The following VPS13C variants were observed in gnomAD, a reference collection of about 807,000 sequenced individuals.
The protein encoded by VPS13C is intermembrane lipid transfer protein VPS13C.
VPS13C carries 358 observed loss-of-function variants against 456.8 expected under a neutral mutation model. The observed-to-expected ratio is 0.78, with a 90% CI of 0.72 to 0.86. The LOEUF is 0.86. Among genes scored for constraint, VPS13C ranks in the 40% least tolerant of loss-of-function variants. The pLI is 0.00. For synonymous variants in VPS13C, 1,578 were observed against 1,486.7 expected, an observed-to-expected ratio of 1.06 and a Z score of -1.41; for missense variants, 4,818 against 4,385.4, an observed-to-expected ratio of 1.10 and a Z score of -2.79.
At chr15:61,864,960 T>C in intron 81 of VPS13C, 1 of 982,382 alleles carries the variant, frequency 1.0e-6, no homozygotes. Context: ...TGTATTTTCG[T>C]TAGTTATTAG....
At chr15:61,907,613 G>A (rs933570432) in intron 65 of VPS13C, among the ~76,000 whole-genome samples, 11 of 152,072 alleles carry the variant, frequency 7.2e-5, no homozygotes, top group South Asian at 4.2e-4. Flanking sequence ...CAATGCACTC[G>A]GAATTGATCC....
intron 1 of VPS13C, among the ~76,000 whole-genome samples, chr15:62,047,094 A>T (rs550236810): frequency 6.6e-6 from 1 of 151,874 alleles, no homozygotes; most frequent in South Asian, 2.1e-4. Flanking sequence ...TTTTTTCTAT[A>T]TCTAGTATTA....
At chr15:61,857,205 T>A (rs899531887) in intron 82 of VPS13C, among the ~76,000 whole-genome samples, 5 of 152,106 alleles carry the variant, frequency 3.3e-5, no homozygotes, top group Admixed American at 2.0e-4. Flanking sequence ...GCTTGAGAGG[T>A]GCTCACTGGC....
intron 73 of VPS13C, among the ~76,000 whole-genome samples, chr15:61,880,382 A>G (rs1004279930): frequency 1.3e-5 from 2 of 152,108 alleles, no homozygotes; most frequent in African/African-American, 4.8e-5. Context: ...TCTTCTTTGA[A>G]TAAGGGGGTT....
intron 81 of VPS13C, chr15:61,864,831 A>G (rs1747135576): frequency 5.1e-6 from 5 of 981,844 alleles, no homozygotes; most frequent in Non-Finnish European, 6.0e-6. Flanking sequence ...CTTCAAAGAG[A>G]AAATGGGAAA....
At chr15:61,934,925 G>A (rs573504483) in intron 48 of VPS13C, among the ~76,000 whole-genome samples, 5 of 151,994 alleles carry the variant, frequency 3.3e-5, no homozygotes, top group Admixed American at 3.3e-4. Context: ...TAATTTTTTT[G>A]TATTTTTAGT....
At position 61,969,301 on chromosome 15, in the gene VPS13C, T is replaced by C. The variant is rs1325942910; in HGVS notation, c.2909A>G (p.Glu970Gly). The change falls in exon 28 of 85, where the codon GAA (glutamate) becomes GGA (glycine). Residue 970 changes from glutamate (E) to glycine (G), a missense_variant and splice_region_variant. This residue lies in a region of VPS13C where 4,552 missense variants were observed against 4,130.6 expected (regional missense o/e 1.10). Coordinates refer to ENST00000644861, the MANE Select transcript of VPS13C (RefSeq NM_020821.3). ...KKISLDYHEI[E>G]GSKRKPLHLI... ...ATTTCTATTTTTATGGGTATTACCT[T>C]CAATTTCATGATAATCCAAGCTGAT... The C allele has an allele frequency of 6.3e-7, 1 of 1,590,678 alleles. No individual in the cohort carries two copies. The highest frequency in any genetic ancestry group is 8.5e-7 in the Non-Finnish European group (1 of 1,169,626).
chr15:61,979,550 T>C (rs1174772503), intron 22 of VPS13C, among the ~76,000 whole-genome samples: 2 of 152,162 alleles, frequency 1.3e-5, no homozygotes, highest in African/African-American at 4.8e-5. Context: ...AGTTTACAAA[T>C]AGATAACTAA....
At chr15:62,048,198 GC>G (rs1340153536) in intron 1 of VPS13C, among the ~76,000 whole-genome samples, 4 of 150,292 alleles carry the variant, frequency 2.7e-5, no homozygotes, top group African/African-American at 9.8e-5. Context: ...TTGGTGTGCT[GC>G]ACCCATTAAC....
intron 51 of VPS13C, among the ~76,000 whole-genome samples, chr15:61,927,996 A>G (rs570843775): frequency 6.7e-6 from 1 of 149,430 alleles, no homozygotes; most frequent in East Asian, 2.0e-4. Context: ...GAACAATGAG[A>G]ACACATGGAC....
In VPS13C at chr15:62,051,242, G is replaced by A. The variant is rs540804623; in HGVS notation, c.101-6987C>T. Among the ~76,000 whole-genome samples the A allele has an allele frequency of 2.0e-5, 3 of 152,280 alleles. No individual in the cohort carries two copies. The South Asian group carries it at 6.2e-4, about 32-fold the overall frequency. On this transcript the variant is annotated intron_variant, in intron 1 of 84. Coordinates refer to ENST00000644861, the MANE Select transcript of VPS13C (RefSeq NM_020821.3). ...AAACTTCTTACTGATTCTCCTCAGA[G>A]TAGGTACTCGATAAATACTGACTTC...
intron 28 of VPS13C, among the ~76,000 whole-genome samples, chr15:61,968,621 T>C (rs967036475): frequency 2.0e-5 from 3 of 152,148 alleles, no homozygotes; most frequent in African/African-American, 7.2e-5. Context: ...ATATATACAC[T>C]GAAATGAATA....
intron 61 of VPS13C, among the ~76,000 whole-genome samples, chr15:61,915,067 C>A (rs117238086): frequency 0.031 from 4,751 of 151,562 alleles, 96 homozygotes; most frequent in Non-Finnish European, 0.046. Context: ...ATATCAGGAA[C>A]GATGAAGAAG....
intron 26 of VPS13C, among the ~76,000 whole-genome samples, chr15:61,973,187 G>T (rs766319663): frequency 6.6e-6 from 1 of 152,100 alleles, no homozygotes; most frequent in African/African-American, 2.4e-5. Flanking sequence ...CTCATGTAGA[G>T]ATTGGGGCCA....
At chr15:61,949,294 CAT>C in intron 42 of VPS13C, 147 bp downstream of exon 42, 2 of 831,774 alleles carry the variant, frequency 2.4e-6, no homozygotes, top group South Asian at 1.8e-5. Flanking sequence ...TCTATAATCC[CAT>C]AGAGATAACA....
At chr15:62,003,476 T>C (rs942472796) in intron 15 of VPS13C, among the ~76,000 whole-genome samples, 10 of 152,098 alleles carry the variant, frequency 6.6e-5, no homozygotes, top group African/African-American at 9.7e-5. Context: ...CAGGGACAAT[T>C]TGACTTCCTC....
intron 18 of VPS13C, among the ~76,000 whole-genome samples, chr15:61,987,432 A>C (rs760521523): frequency 1.3e-5 from 2 of 152,204 alleles, no homozygotes. Context: ...CACTTCTTAC[A>C]TAGCAGGCAA....
chr15:61,958,930 G>C (rs2045101393), intron 36 of VPS13C, among the ~76,000 whole-genome samples: 1 of 151,910 alleles, frequency 6.6e-6, no homozygotes, highest in Non-Finnish European at 1.5e-5. Context: ...TAGAAAACCA[G>C]TGTAATTTAT....
At chr15:61,909,174 A>C (rs1181301332) in intron 64 of VPS13C, 49 bp from the exon 65 acceptor site, 43 of 1,594,838 alleles carry the variant, frequency 2.7e-5, no homozygotes, top group Non-Finnish European at 3.5e-5. Flanking sequence ...TTTAATCTAC[A>C]CTTACATATG....
Sources: gnomAD v4.1 joint callset for allele counts (sites outside exome capture counted in the v4.1 genomes callset) on GRCh38, gnomAD v4.1.1 for gene constraint, gnomAD v4.1.1 regional missense constraint, MANE v1.5 for transcripts, NCBI Gene and HGNC (gene_info 2026-07-23, HGNC 2026-07-21) for gene names.